The following DZIP1L variants were observed in gnomAD, a reference collection of about 807,000 sequenced individuals.
The protein encoded by DZIP1L is cilium assembly protein DZIP1L.
Under a neutral mutation model 88.7 loss-of-function variants are expected in DZIP1L, and 90 were observed. That is an observed-to-expected ratio of 1.02 (90% CI 0.86 to 1.21). The LOEUF (loss-of-function observed/expected upper bound fraction) is 1.21. Ranked by LOEUF, DZIP1L falls within the 50% of genes most tolerant of loss-of-function variation. The pLI, the probability that DZIP1L is intolerant of heterozygous loss-of-function variation, is 0.00. For synonymous variants in DZIP1L, 363 were observed against 372.1 expected (o/e 0.98, Z 0.28); for missense variants, 932 against 955.8 (o/e 0.98, Z 0.33).
Position 138,080,128 on chromosome 3 carries a change from A to G in DZIP1L, c.1288+439T>C, listed in dbSNP as rs538351870. Among the ~76,000 whole-genome samples the G allele has an allele frequency of 3.1e-4, 47 of 152,318 alleles. 2 individuals carry two copies. The South Asian group carries it at 9.7e-3, about 32-fold the overall frequency. ...AGGGAGCCGAGGTGGATTCCTATGC[A>G]TTAGTCAGGCCCTGTGGGACCTATC... On this transcript the variant is annotated intron_variant, in intron 10 of 15. Coordinates refer to ENST00000327532, the MANE Select transcript of DZIP1L (RefSeq NM_173543.3).
intron 8 of DZIP1L, among the ~76,000 whole-genome samples, chr3:138,083,843 T>C (rs1267712383): frequency 6.6e-6 from 1 of 152,208 alleles, no homozygotes; most frequent in Non-Finnish European, 1.5e-5. Flanking sequence ...AAGCAAAGTA[T>C]CAGTGAGGTG....
chr3:138,102,880 G>C (rs2042363417), intron 2 of DZIP1L: 1 of 650,710 alleles, frequency 1.5e-6, no homozygotes, highest in African/African-American at 1.8e-5. Context: ...GCCAGAGGTG[G>C]GCACCTTGTA....
intron 7 of DZIP1L, among the ~76,000 whole-genome samples, chr3:138,085,397 A>C (rs909395309): frequency 6.6e-6 from 1 of 152,238 alleles, no homozygotes; most frequent in African/African-American, 2.4e-5. Context: ...AATGAACTCA[A>C]ACAAATTTAC....
intron 11 of DZIP1L, among the ~76,000 whole-genome samples, chr3:138,076,345 A>T (rs1006729516): frequency 6.6e-6 from 1 of 152,248 alleles, no homozygotes; most frequent in Admixed American, 6.5e-5. Context: ...ACTATGGAAA[A>T]GTGTGGAGAT....
At position 138,067,627 on chromosome 3, in the gene DZIP1L, C is replaced by T; in HGVS notation, c.1906G>A (p.Val636Ile). ...VQRVSLQPPKVPSRMVPRPKD... is the reference protein window; with the variant it reads ...VQRVSLQPPKIPSRMVPRPKD... The stretch of plus-strand genomic sequence containing the variant: ...GGCCGGGGCACCATCCTGGAAGGAA[C>T]TTTTGGGGGCTGTAGAGACACACGC... Residue 636 changes from valine (V) to isoleucine (I), a missense_variant, in exon 14 of 16, where the codon GTT becomes ATT. By Grantham distance (29) the Val-to-Ile change is conservative (BLOSUM62 3). Coordinates refer to ENST00000327532, the MANE Select transcript of DZIP1L (RefSeq NM_173543.3). 6.2e-7 allele frequency: 1 copy of T among 1,611,548 alleles called. No homozygotes were observed. Among genetic ancestry groups the T allele is most frequent in the East Asian group, 2.2e-5 (1 of 44,606 alleles).
intron 7 of DZIP1L, among the ~76,000 whole-genome samples, 154 bp from the exon 8 acceptor site, chr3:138,084,407 C>A (rs1272729756): frequency 6.6e-6 from 1 of 152,198 alleles, no homozygotes; most frequent in Non-Finnish European, 1.5e-5. Context: ...ACCTTCCAGT[C>A]TGGGGACATT....
intron 5 of DZIP1L, chr3:138,089,131 T>C: frequency 1.0e-6 from 1 of 985,462 alleles, no homozygotes; most frequent in Non-Finnish European, 1.2e-6. Flanking sequence ...TGTATGACTG[T>C]ATAAAACTCA....
chr3:138,073,713 G>A (rs1171215313), intron 11 of DZIP1L, among the ~76,000 whole-genome samples: 6 of 152,144 alleles, frequency 3.9e-5, no homozygotes, highest in Admixed American at 2.0e-4. Flanking sequence ...AAACCAAGAC[G>A]AATCTCTGAA....
chr3:138,095,568 C>T (rs1423868502), intron 3 of DZIP1L, among the ~76,000 whole-genome samples: 1 of 152,126 alleles, frequency 6.6e-6, no homozygotes, highest in Non-Finnish European at 1.5e-5. Flanking sequence ...ATCACTAGGT[C>T]AGGAGTTCGA....
intron 8 of DZIP1L, 51 bp from the exon 9 acceptor site, chr3:138,081,815 G>C (rs1014182643): frequency 6.3e-7 from 1 of 1,593,088 alleles, no homozygotes; most frequent in Admixed American, 1.7e-5. Context: ...AACATTGTGA[G>C]AACTCTGCTT....
intron 1 of DZIP1L, among the ~76,000 whole-genome samples, chr3:138,109,708 C>T (rs2042586322): frequency 6.6e-6 from 1 of 152,104 alleles, no homozygotes; most frequent in Non-Finnish European, 1.5e-5. Context: ...TGGAACTAAC[C>T]CAAATGCCCA....
At chr3:138,106,132 T>TTCTTTC (rs1559864357) in intron 1 of DZIP1L, among the ~76,000 whole-genome samples, 1 of 130,532 alleles carries the variant, frequency 7.7e-6, no homozygotes, top group African/African-American at 2.9e-5. Flanking sequence ...TCTTTCTTTT[T>TTCTTTC]TTTTTTTTTT....
intron 11 of DZIP1L, among the ~76,000 whole-genome samples, chr3:138,076,224 C>G (rs1943401081): frequency 6.6e-6 from 1 of 152,070 alleles, no homozygotes; most frequent in Non-Finnish European, 1.5e-5. Flanking sequence ...ACCACCTCAC[C>G]CCTACAAGAA....
chr3:138,103,360 C>T (rs2042381834), intron 2 of DZIP1L, 111 bp downstream of exon 2: 1 of 1,247,854 alleles, frequency 8.0e-7, no homozygotes, highest in African/African-American at 1.5e-5. Flanking sequence ...CCAGTGAGAA[C>T]AGCCCCCCAG....
chr3:138,065,503 G>A (rs1392269925), intron 14 of DZIP1L, among the ~76,000 whole-genome samples: 8 of 152,202 alleles, frequency 5.3e-5, no homozygotes, highest in Admixed American at 5.2e-4. Context: ...ACCTGCACAA[G>A]GACAAGCAGG....
chr3:138,085,249 G>T (rs1943870410), intron 7 of DZIP1L, among the ~76,000 whole-genome samples: 1 of 152,110 alleles, frequency 6.6e-6, no homozygotes, highest in Non-Finnish European at 1.5e-5. Context: ...AGCCAAAATT[G>T]ACAAATGGGA....
chr3:138,076,327 G>C (rs557429829), intron 11 of DZIP1L, among the ~76,000 whole-genome samples: 1 of 152,332 alleles, frequency 6.6e-6, no homozygotes, highest in African/African-American at 2.4e-5. Flanking sequence ...ATGTAAACTA[G>C]TACAACCACT....
At chr3:138,092,616 A>G (rs1435354135) in intron 4 of DZIP1L, 72 bp from the exon 5 acceptor site, 1 of 1,442,724 alleles carries the variant, frequency 6.9e-7, no homozygotes, top group South Asian at 1.6e-5. Context: ...GAACCTACTT[A>G]GGCCTCCTTG....
At chr3:138,071,864 G>A in intron 11 of DZIP1L, 29 bp from the exon 12 acceptor site, 1 of 1,586,132 alleles carries the variant, frequency 6.3e-7, no homozygotes, top group Non-Finnish European at 8.6e-7. Context: ...CACCTTTACA[G>A]AGAGAGGCTA....
Sources: allele counts gnomAD v4.1 joint callset (sites outside exome capture counted in the v4.1 genomes callset), GRCh38; gene constraint gnomAD v4.1.1; transcripts MANE v1.5; gene names NCBI Gene and HGNC (gene_info 2026-07-23, HGNC 2026-07-21).